SNX9: variants seen among roughly 807,000 people sequenced by gnomAD.
SNX9 encodes the protein sorting nexin 9, also known as sorting nexin-9.
A neutral mutation model predicts 89.4 loss-of-function variants in SNX9; 44 were observed. The ratio of observed to expected loss-of-function variants is 0.49; its 90% CI spans 0.39 to 0.63. The LOEUF (loss-of-function observed/expected upper bound fraction) is 0.63. SNX9 is among the 30% of genes least tolerant of loss of function. SNX9 has a pLI of 0.00. For missense variants in SNX9, 578 were observed against 736.1 expected (o/e 0.79, Z 2.49); for synonymous variants, 236 against 247.8 (o/e 0.95, Z 0.45).
In SNX9 at chr6:157,887,981, C is replaced by T. The variant is rs1225221759; in HGVS notation, c.301-8846C>T. Among the ~76,000 whole-genome samples, 4 of 152,268 alleles carry T rather than the reference C, an allele frequency of 2.6e-5. No homozygotes were observed. In the South Asian group the frequency reaches 6.2e-4, roughly 24 times the overall value. On this transcript the variant is annotated intron_variant, in intron 4 of 17. Transcript: ENST00000392185. ...TACCCATCAATTGGCTTCTTGGAAG[C>T]GCATCAGTCAGTTACCTCTTCTCAC...
chr6:157,842,771 G>C (rs184970423), intron 1 of SNX9, among the ~76,000 whole-genome samples: 179 of 152,278 alleles, frequency 1.2e-3, no homozygotes, highest in African/African-American at 3.2e-3. Flanking sequence ...CTTAATCACT[G>C]ATCTTAGGTT....
chr6:157,895,749 A>G (rs1782964707), intron 4 of SNX9, among the ~76,000 whole-genome samples: 1 of 152,234 alleles, frequency 6.6e-6, no homozygotes, highest in South Asian at 2.1e-4. Context: ...TGTTAGTAGC[A>G]TGAAACAAAA....
At chr6:157,880,715 C>G (rs1281987290) in intron 4 of SNX9, among the ~76,000 whole-genome samples, 1 of 152,190 alleles carries the variant, frequency 6.6e-6, no homozygotes, top group African/African-American at 2.4e-5. Context: ...GATTGAGATC[C>G]ATTGTTCTAA....
rs144205788 is a variant in SNX9, at chr6:157,937,914, G to A, written c.1533+391G>A. On this transcript the variant is annotated intron_variant, in intron 15 of 17. Transcript: ENST00000392185. ...TTTATAACTTAAATATCATGAAGGG[G>A]TACCATAGGTAAATTAGGTTTGTAC... Among the ~76,000 whole-genome samples, 115 of 152,306 alleles carry A rather than the reference G, an allele frequency of 7.6e-4. 5 individuals are homozygous for A. The East Asian group carries it at 0.02, about 27-fold the overall frequency.
intron 1 of SNX9, among the ~76,000 whole-genome samples, chr6:157,827,892 A>T (rs1272508550): frequency 6.6e-6 from 1 of 150,840 alleles, no homozygotes; most frequent in Non-Finnish European, 1.5e-5. Flanking sequence ...CTTCGGTTCC[A>T]ATACCTAAAG....
At chr6:157,886,554 A>G (rs1782740938) in intron 4 of SNX9, among the ~76,000 whole-genome samples, 1 of 152,232 alleles carries the variant, frequency 6.6e-6, no homozygotes, top group Non-Finnish European at 1.5e-5. Context: ...TAAATTGTAT[A>G]TAAATGGTAA....
At chr6:157,906,919 G>T (rs1783228365) in intron 7 of SNX9, among the ~76,000 whole-genome samples, 1 of 152,112 alleles carries the variant, frequency 6.6e-6, no homozygotes, top group African/African-American at 2.4e-5. Flanking sequence ...CTGAAGCCTT[G>T]AGTGTTCTCA....
intron 2 of SNX9, among the ~76,000 whole-genome samples, chr6:157,869,693 T>C (rs3792934): frequency 0.13 from 19,168 of 152,170 alleles, 1,964 homozygotes; most frequent in African/African-American, 0.28. Context: ...GGCCAGGTCA[T>C]TCCTCGCTGG....
chr6:157,937,477 A>T lies in SNX9; in HGVS notation c.1487A>T (p.Tyr496Phe). The T allele has an allele frequency of 6.2e-7, 1 of 1,614,048 alleles. No homozygotes were observed. Among genetic ancestry groups the T allele is most frequent in the East Asian group, 2.2e-5 (1 of 44,862 alleles). ...TTCCTGATGGAATGTAATCACGAGTATAAAGGTTTTCTTGGCTGCTTCCCT... is the reference window on the plus strand; with the variant it reads ...TTCCTGATGGAATGTAATCACGAGTTTAAAGGTTTTCTTGGCTGCTTCCCT... Reference protein sequence around the residue: ...LHFLMECNHEYKGFLGCFPDI... With the variant: ...LHFLMECNHEFKGFLGCFPDI... Residue 496 changes from tyrosine (Y) to phenylalanine (F), a missense_variant, in exon 15 of 18, where the codon TAT becomes TTT. Physicochemically the swap from Tyr to Phe is conservative, Grantham distance 22 (BLOSUM62 3). Around this residue, in one of 2 missense-constraint regions of SNX9, gnomAD observed 348 missense variants for 491.4 expected, o/e 0.71. Transcript: ENST00000392185.
At chr6:157,912,474 A>G (rs936167983) in intron 9 of SNX9, among the ~76,000 whole-genome samples, 5 of 152,264 alleles carry the variant, frequency 3.3e-5, no homozygotes, top group African/African-American at 4.8e-5. Context: ...TAGAAAAGCA[A>G]GAAAGCAGCA....
At chr6:157,889,430 C>CAAAAAAAAAA (rs56303673) in intron 4 of SNX9, among the ~76,000 whole-genome samples, 1 of 58,502 alleles carries the variant, frequency 1.7e-5, no homozygotes, top group Non-Finnish European at 4.0e-5. Flanking sequence ...GACCCTGTCT[C>CAAAAAAAAAA]AAAAAAAAAA....
chr6:157,939,910 C>G (rs889075444), intron 16 of SNX9, among the ~76,000 whole-genome samples: 1 of 151,082 alleles, frequency 6.6e-6, no homozygotes, highest in Non-Finnish European at 1.5e-5. Flanking sequence ...AGGAGGCATC[C>G]GAGGGAGGCA....
In SNX9 at chr6:157,932,866, C is replaced by CAA. The variant is rs10545432; in HGVS notation, c.1366+621_1366+622dup. On this transcript the variant is annotated intron_variant, in intron 13 of 17. Transcript: ENST00000392185. ...TGGGTGACAGAGCAAGACCCTGTCT[C>CAA]AAAAAAAAAAAAAAAAAAAAAAAAA... Among the ~76,000 whole-genome samples the CAA allele has an allele frequency of 1.5e-3, 57 of 39,206 alleles. 1 individual carries two copies. Among genetic ancestry groups the CAA allele is most frequent in the African/African-American group, 4.7e-3 (45 of 9,650 alleles). The allele number at this position is 39,206 out of a possible 152,430, so 25.7% of individuals were successfully genotyped here. A position where few individuals can be genotyped will look rare whatever the true frequency, so the allele number is the denominator to read the frequency against.
At chr6:157,894,586 G>A (rs1278663631) in intron 4 of SNX9, among the ~76,000 whole-genome samples, 2 of 151,808 alleles carry the variant, frequency 1.3e-5, no homozygotes, top group Non-Finnish European at 2.9e-5. Flanking sequence ...GAGATTGGGT[G>A]CCATCTATTT....
intron 1 of SNX9, among the ~76,000 whole-genome samples, chr6:157,853,910 G>A (rs1047513794): frequency 2.6e-5 from 4 of 152,200 alleles, no homozygotes; most frequent in Non-Finnish European, 1.5e-5. Flanking sequence ...CAAGGCACAG[G>A]CAGTTTGAGA....
chr6:157,936,955 G>A (rs1289810606), intron 14 of SNX9, among the ~76,000 whole-genome samples: 1 of 151,522 alleles, frequency 6.6e-6, no homozygotes, highest in Non-Finnish European at 1.5e-5. Flanking sequence ...ATGTGGTTGT[G>A]GGCTACTTTG....
chr6:157,848,750 C>T (rs1005449587), intron 1 of SNX9, among the ~76,000 whole-genome samples: 1 of 152,276 alleles, frequency 6.6e-6, no homozygotes, highest in African/African-American at 2.4e-5. Context: ...GCAGACATGT[C>T]CACAAGCAAC....
At chr6:157,922,868 G>C (rs1471933133) in intron 10 of SNX9, among the ~76,000 whole-genome samples, 3 of 152,164 alleles carry the variant, frequency 2.0e-5, no homozygotes, top group African/African-American at 7.2e-5. Context: ...TAAGTTCTTT[G>C]AATTCAGTAA....
chr6:157,877,924 TTAAGTA>T (rs1418000421), intron 4 of SNX9, among the ~76,000 whole-genome samples: 1 of 152,256 alleles, frequency 6.6e-6, no homozygotes, highest in Admixed American at 6.5e-5. Context: ...GTATTTTTCT[TTAAGTA>T]TATCTTTTTA....
Sources: gnomAD v4.1 joint callset for allele counts (sites outside exome capture counted in the v4.1 genomes callset) on GRCh38, gnomAD v4.1.1 for gene constraint, gnomAD v4.1.1 regional missense constraint, MANE v1.5 for transcripts, NCBI Gene and HGNC (gene_info 2026-07-23, HGNC 2026-07-21) for gene names.